Variants in HNMT observed in about 807,000 individuals in gnomAD.
HNMT encodes histamine N-methyltransferase.
Under a neutral mutation model 32.1 loss-of-function variants are expected in HNMT, and 30 were observed. The observed-to-expected ratio is 0.93, with a 90% CI of 0.70 to 1.27. The LOEUF is 1.27. Ranked by LOEUF, HNMT falls within the 50% of genes most tolerant of loss-of-function variation. HNMT has a pLI of 0.00. For missense variants in HNMT, 327 were observed against 346.0 expected, an observed-to-expected ratio of 0.95 and a Z score of 0.43; for synonymous variants, 125 against 119.0, an observed-to-expected ratio of 1.05 and a Z score of -0.33.
At chr2:137,992,915 A>T (rs1381414102) in intron 2 of HNMT, among the ~76,000 whole-genome samples, 1 of 152,120 alleles carries the variant, frequency 6.6e-6, no homozygotes, top group Non-Finnish European at 1.5e-5. Flanking sequence ...TCCTGAAGTG[A>T]ACCCCCAGCA....
intron 1 of HNMT, among the ~76,000 whole-genome samples, chr2:137,967,876 C>G (rs1158319296): frequency 6.6e-6 from 1 of 152,190 alleles, no homozygotes; most frequent in Admixed American, 6.5e-5. Flanking sequence ...CCTCTGCTCT[C>G]TCTGCCTCTT....
chr2:137,989,308 T>A (rs1680745801), intron 2 of HNMT, among the ~76,000 whole-genome samples: 1 of 152,202 alleles, frequency 6.6e-6, no homozygotes, highest in South Asian at 2.1e-4. Context: ...CAGAATGTCA[T>A]CTAGTTGAAA....
At chr2:137,971,125 TACTC>T (rs1398702464) in intron 2 of HNMT, among the ~76,000 whole-genome samples, 6 of 152,084 alleles carry the variant, frequency 3.9e-5, no homozygotes, top group Admixed American at 6.6e-5. Flanking sequence ...CCCTTCCTCT[TACTC>T]AGTTCCAAAA....
intron 1 of HNMT, among the ~76,000 whole-genome samples, chr2:137,968,934 C>T (rs1457028406): frequency 6.6e-6 from 1 of 152,142 alleles, no homozygotes; most frequent in Non-Finnish European, 1.5e-5. Flanking sequence ...CAGCAGTCAT[C>T]TCTTTTCCTT....
At chr2:137,974,979 C>CA (rs1362324557) in intron 2 of HNMT, among the ~76,000 whole-genome samples, 1 of 152,146 alleles carries the variant, frequency 6.6e-6, no homozygotes, top group Non-Finnish European at 1.5e-5. Context: ...TACAGACCAT[C>CA]AACACTCTCA....
intron 5 of HNMT, among the ~76,000 whole-genome samples, chr2:138,007,488 C>T (rs1474248977): frequency 1.3e-5 from 2 of 152,078 alleles, no homozygotes; most frequent in South Asian, 2.1e-4. Context: ...CCAATCCTAT[C>T]GGCATGTCAT....
In HNMT at chr2:138,005,224, A is replaced by C; in HGVS notation, c.522A>C (p.Ser174=). The C allele has an allele frequency of 6.5e-7, 1 of 1,546,660 alleles. No individual in the cohort carries two copies. Among genetic ancestry groups the C allele is most frequent in the Non-Finnish European group, 8.9e-7 (1 of 1,120,208 alleles). The change falls in exon 5 of 6, where the codon TCA becomes TCC. Residue 174 remains serine, a splice_region_variant and synonymous_variant. Transcript: ENST00000280097. ...CTAAGATGCTCATTATTGTTGTGTC[A>C]GGTAAGTTATTTTCATTCAGCCTGA... is the stretch of plus-strand genomic sequence containing the variant. ...TNAKMLIIVV[S]GSSGWDKLWK...
intron 5 of HNMT, among the ~76,000 whole-genome samples, chr2:138,008,237 G>A (rs376291429): frequency 1.3e-5 from 2 of 151,872 alleles, no homozygotes; most frequent in East Asian, 1.9e-4. Flanking sequence ...GAGAACATGC[G>A]GTATTTGGTT....
intron 2 of HNMT, among the ~76,000 whole-genome samples, chr2:137,974,112 A>G (rs1357058932): frequency 1.3e-5 from 2 of 152,190 alleles, no homozygotes; most frequent in African/African-American, 4.8e-5. Flanking sequence ...TATGAACCCA[A>G]TAGGAAGAAA....
chr2:137,970,936 AG>A (rs1432477440), intron 2 of HNMT, among the ~76,000 whole-genome samples: 7,506 of 22,646 alleles, frequency 0.33, 1,384 homozygotes, highest in African/African-American at 0.4. Flanking sequence ...AAAAAAAAAA[AG>A]AAAGAAAGAA....
rs1441653419 is a variant in HNMT at position 137,964,602 on chromosome 2, C to T, written c.111C>T (p.Asp37=). 1 of 1,613,718 alleles carries T rather than the reference C, an allele frequency of 6.2e-7. No homozygotes were observed. Among genetic ancestry groups the T allele is most frequent in the Non-Finnish European group, 8.5e-7 (1 of 1,179,760 alleles). The stretch of plus-strand genomic sequence containing the variant: ...ACCAGTGCATGCAGGAATTCATGGA[C>T]AAGAAGCTGCCAGGCATAATAGGAA... ...TEHQCMQEFM[D]KKLPGIIGRI... Residue 37 remains aspartate (D), a synonymous_variant, in exon 1 of 6, where the codon GAC becomes GAT. Transcript: ENST00000280097.
At chr2:138,008,712 T>G (rs2198653) in intron 5 of HNMT, among the ~76,000 whole-genome samples, 32,348 of 151,944 alleles carry the variant, frequency 0.21, 3,737 homozygotes, top group South Asian at 0.3. Context: ...GTGGGATAAC[T>G]GGCTAGCCAT....
intron 2 of HNMT, among the ~76,000 whole-genome samples, chr2:137,983,558 G>C (rs1273183350): frequency 6.6e-6 from 1 of 152,042 alleles, no homozygotes; most frequent in Non-Finnish European, 1.5e-5. Flanking sequence ...AAACAAACAC[G>C]TTTATTAACG....
chr2:138,002,663 T>C (rs1195379742), intron 4 of HNMT: 1 of 317,786 alleles, frequency 3.1e-6, no homozygotes, highest in Non-Finnish European at 4.5e-6. Context: ...CCCAGGCTGG[T>C]CTTGAAATCC....
intron 1 of HNMT, 24 bp downstream of exon 1, chr2:137,964,652 A>G: frequency 6.2e-7 from 1 of 1,612,956 alleles, no homozygotes; most frequent in Non-Finnish European, 8.5e-7. Context: ...CGTTGTTGTC[A>G]AAGGGACAAG....
chr2:138,006,327 T>A (rs1681330236), intron 5 of HNMT, among the ~76,000 whole-genome samples: 1 of 152,004 alleles, frequency 6.6e-6, no homozygotes, highest in Non-Finnish European at 1.5e-5. Flanking sequence ...CTATTCTTGA[T>A]TATATTCATC....
At chr2:137,981,775 A>G (rs903152376) in intron 2 of HNMT, 5 of 168,300 alleles carry the variant, frequency 3.0e-5, no homozygotes, top group African/African-American at 1.2e-4. Flanking sequence ...AAGGACAGAG[A>G]GACCCACACA....
Position 138,014,846 on chromosome 2 carries a change from A to G in HNMT, c.*716A>G, listed in dbSNP as rs911174194. On this transcript the variant is annotated 3_prime_UTR_variant, in exon 6 of 6. Transcript: ENST00000280097. ...GTTTTAGAATACTAACATTTTATCA[A>G]AATAATATTATAGTTTTGCTTTTTT... 3 of 151,998 alleles carry G rather than the reference A, an allele frequency of 2.0e-5. No individual in the cohort carries two copies. The highest frequency in any genetic ancestry group is 2.0e-4 in the Admixed American group (3 of 15,248). 9.4% of individuals were successfully genotyped at this position (151,998 alleles called of 1,614,324 possible).
At position 138,014,266 on chromosome 2, in the gene HNMT, A is replaced by C. The variant is rs1289348792; in HGVS notation, c.*136A>C. 2 of 624,250 alleles carry C rather than the reference A, an allele frequency of 3.2e-6. No homozygotes were observed. Among genetic ancestry groups the C allele is most frequent in the Non-Finnish European group, 5.5e-6 (2 of 364,100 alleles). 38.7% of individuals were successfully genotyped at this position (624,250 alleles called of 1,614,324 possible). A position where few individuals can be genotyped will look rare whatever the true frequency, so the allele number is the denominator to read the frequency against. ...TTGGATATGAGATGTAGCAAATTCC[A>C]ATACATTATTGGACTTCCATTTGGA... On this transcript the variant is annotated 3_prime_UTR_variant, in exon 6 of 6. Transcript: ENST00000280097.
Sources: gnomAD v4.1 joint callset for allele counts (sites outside exome capture counted in the v4.1 genomes callset) on GRCh38, gnomAD v4.1.1 for gene constraint, MANE v1.5 for transcripts, NCBI Gene and HGNC (gene_info 2026-07-23, HGNC 2026-07-21) for gene names.